Variants in KCND3 observed in about 807,000 individuals in gnomAD.
The protein encoded by KCND3 is A-type voltage-gated potassium channel KCND3.
In KCND3, 9 loss-of-function variants were observed where a neutral mutation model predicts 51.1. The observed-to-expected ratio is 0.18, with a 90% CI of 0.11 to 0.31. KCND3 has a LOEUF of 0.31. Ranked by LOEUF, KCND3 falls within the 10% of genes least tolerant of loss-of-function variation. The probability of loss-of-function intolerance (pLI) is 1.00; values close to 1 mark genes in which losing one functional copy is unlikely to be tolerated. For missense variants in KCND3, 526 were observed against 903.8 expected (o/e 0.58, Z 5.36); for synonymous variants, 349 against 368.0 (o/e 0.95, Z 0.59).
At chr1:111,810,478 C>T (rs1215855207) in intron 2 of KCND3, among the ~76,000 whole-genome samples, 1 of 152,252 alleles carries the variant, frequency 6.6e-6, no homozygotes, top group African/African-American at 2.4e-5. Context: ...TGGGCACAGA[C>T]TGGCACCTTC....
chr1:111,875,698 CT>C (rs1233146184), intron 2 of KCND3, among the ~76,000 whole-genome samples: 2 of 152,210 alleles, frequency 1.3e-5, no homozygotes, highest in African/African-American at 2.4e-5. Flanking sequence ...TCTCCTCCCC[CT>C]GGGACACTCT....
At chr1:111,989,171 G>A (rs1454908862) in intron 1 of KCND3, 2 of 152,310 alleles carry the variant, frequency 1.3e-5, no homozygotes, top group Non-Finnish European at 2.9e-5. Flanking sequence ...CCCTCACCAA[G>A]AGCGGGGACG....
intron 2 of KCND3, among the ~76,000 whole-genome samples, chr1:111,815,192 T>C (rs1356693566): frequency 1.3e-5 from 2 of 152,126 alleles, no homozygotes; most frequent in African/African-American, 4.8e-5. Flanking sequence ...TCCTGACTTC[T>C]GTGTGCCATC....
chr1:111,815,099 G>T (rs966447568), intron 2 of KCND3, among the ~76,000 whole-genome samples: 3 of 152,192 alleles, frequency 2.0e-5, no homozygotes, highest in African/African-American at 7.2e-5. Flanking sequence ...GAGGCCCAGG[G>T]AAACAAGGTG....
intron 2 of KCND3, among the ~76,000 whole-genome samples, chr1:111,789,867 C>CT (rs1341600890): frequency 6.6e-6 from 1 of 152,150 alleles, no homozygotes; most frequent in Non-Finnish European, 1.5e-5. Flanking sequence ...TGTCCCAGTT[C>CT]TTTATACCCT....
intron 2 of KCND3, among the ~76,000 whole-genome samples, chr1:111,975,896 C>T (rs1254059673): frequency 1.3e-5 from 2 of 152,228 alleles, no homozygotes; most frequent in Non-Finnish European, 2.9e-5. Context: ...CCAGGCTATC[C>T]TCATTCCTTC....
At chr1:111,797,653 G>A (rs1665114820) in intron 2 of KCND3, among the ~76,000 whole-genome samples, 2 of 152,212 alleles carry the variant, frequency 1.3e-5, no homozygotes, top group Admixed American at 6.5e-5. Flanking sequence ...AAATCAAACT[G>A]GAGGGTGGTC....
intron 2 of KCND3, among the ~76,000 whole-genome samples, chr1:111,871,610 A>T (rs1403971663): frequency 6.6e-6 from 1 of 152,204 alleles, no homozygotes; most frequent in Non-Finnish European, 1.5e-5. Flanking sequence ...GAAAAGCAGG[A>T]CAGTATGGAG....
chr1:111,827,747 C>G (rs772829744), intron 2 of KCND3, among the ~76,000 whole-genome samples: 61 of 152,194 alleles, frequency 4.0e-4, no homozygotes, highest in Admixed American at 2.0e-4. Flanking sequence ...ATTATCTTCA[C>G]TTTGCTCTCT....
At chr1:111,849,399 C>A (rs1039097063) in intron 2 of KCND3, among the ~76,000 whole-genome samples, 2 of 152,198 alleles carry the variant, frequency 1.3e-5, no homozygotes, top group Admixed American at 6.5e-5. Context: ...ACCCAGCCTA[C>A]CCCATCTTCC....
chr1:111,902,359 C>G (rs1296679522), intron 2 of KCND3, among the ~76,000 whole-genome samples: 6 of 152,184 alleles, frequency 3.9e-5, no homozygotes, highest in African/African-American at 1.4e-4. Context: ...GAGCAACAGA[C>G]AGCAATTTGG....
At chr1:111,883,553 A>C (rs1289366563) in intron 2 of KCND3, among the ~76,000 whole-genome samples, 1 of 152,218 alleles carries the variant, frequency 6.6e-6, no homozygotes, top group African/African-American at 2.4e-5. Flanking sequence ...GATAGGTCCT[A>C]TTATCTCCAT....
chr1:111,981,656 C>T lies in KCND3; in HGVS notation c.1071G>A (p.Ser357=), dbSNP rs776026955. Residue 357 remains serine (S), a synonymous_variant, in exon 2 of 8, where the codon TCG becomes TCA. Transcript: ENST00000302127. The surrounding 1 kb of genome is among the most constrained non-coding windows in gnomAD (Gnocchi z 6.2). ...SASKFTSIPA[S]FWYTIVTMTT... is the part of the protein sequence containing the mutation. The stretch of plus-strand genomic sequence containing the variant: ...TCATGGTGACAATGGTGTACCAAAA[C>T]GAGGCAGGGATGCTTGTGAACTTGC... 25 of 1,614,060 alleles carry T rather than the reference C, an allele frequency of 1.5e-5. No individual in the cohort carries two copies. The highest frequency in any genetic ancestry group is 1.9e-5 in the Non-Finnish European group (23 of 1,180,046).
At position 111,814,850 on chromosome 1, in the gene KCND3, G is replaced by A. The variant is rs144713459; in HGVS notation, c.1107-27744C>T. Among the ~76,000 whole-genome samples, 698 of 152,346 alleles carry A rather than the reference G, an allele frequency of 4.6e-3. 7 individuals carry two copies. The highest frequency in any genetic ancestry group is 0.016 in the African/African-American group (681 of 41,580). ...CCCACAGCTCTGCTGTTCTAGGCAC[G>A]TGCTTATCTATTTTATCCACCAGAG... is the stretch of plus-strand genomic sequence containing the variant. On this transcript the variant is annotated intron_variant, in intron 2 of 7. Coordinates refer to ENST00000302127, the MANE Select transcript of KCND3 (RefSeq NM_001378969.1).
chr1:111,899,060 A>G (rs770314427), intron 2 of KCND3, among the ~76,000 whole-genome samples: 20 of 152,204 alleles, frequency 1.3e-4, no homozygotes, highest in Non-Finnish European at 2.4e-4. Context: ...TAAATCTCCC[A>G]AAGCTAGAGA....
chr1:111,972,813 GCCT>G, intron 2 of KCND3, among the ~76,000 whole-genome samples: 1 of 152,276 alleles, frequency 6.6e-6, no homozygotes, highest in East Asian at 1.9e-4. Flanking sequence ...CTACTAATAT[GCCT>G]TGCAAATTCA....
chr1:111,936,579 C>A (rs1672233266), intron 2 of KCND3, among the ~76,000 whole-genome samples: 1 of 152,134 alleles, frequency 6.6e-6, no homozygotes, highest in Non-Finnish European at 1.5e-5. Flanking sequence ...GCGGGACAGG[C>A]AAGAGTTGAG....
rs1391414445 is a variant in KCND3 at position 111,776,208 on chromosome 1, C to G, written c.1837G>C (p.Ala613Pro). Residue 613 changes from alanine to proline, a missense_variant, in exon 8 of 8, where the codon GCC becomes CCC. This residue lies in a region of KCND3 where 266 missense variants were observed against 305.5 expected (regional missense o/e 0.87). Coordinates refer to ENST00000302127, the MANE Select transcript of KCND3 (RefSeq NM_001378969.1). The part of the protein sequence containing the change: ...PNCKTSQITT[A>P]IISIPTPPAL... ...GGGGGAGTGGGGATGCTGATGATGG[C>G]TGTGGTGATCTGGGATGTTTTGCAG... is the stretch of plus-strand genomic sequence containing the variant. The G allele has an allele frequency of 6.2e-7, 1 of 1,614,198 alleles. No individual in the cohort carries two copies. Among genetic ancestry groups the G allele is most frequent in the Non-Finnish European group, 8.5e-7 (1 of 1,180,028 alleles).
intron 2 of KCND3, among the ~76,000 whole-genome samples, chr1:111,815,362 C>T (rs1480495443): frequency 1.3e-5 from 2 of 151,978 alleles, no homozygotes; most frequent in Non-Finnish European, 2.9e-5. Flanking sequence ...CTCTCCTTGA[C>T]CAAACTCTGG....
Sources: allele counts gnomAD v4.1 joint callset (sites outside exome capture counted in the v4.1 genomes callset), GRCh38; gene constraint gnomAD v4.1.1; regional missense constraint gnomAD v4.1.1; non-coding constraint Gnocchi (gnomAD v3.1); transcripts MANE v1.5; gene names NCBI Gene and HGNC (gene_info 2026-07-23, HGNC 2026-07-21).